The following SCN10A variants were observed in gnomAD, a reference collection of about 807,000 sequenced individuals.
SCN10A encodes the protein sodium voltage-gated channel alpha subunit 10, also known as sodium channel protein type 10 subunit alpha.
A neutral mutation model predicts 170.7 loss-of-function variants in SCN10A; 162 were observed. That is an observed-to-expected ratio of 0.95 (90% CI 0.84 to 1.08). The LOEUF (loss-of-function observed/expected upper bound fraction) is 1.08. Among genes scored for constraint, SCN10A ranks in the 50% least tolerant of loss-of-function variants. The pLI is 0.00. For synonymous variants in SCN10A, 985 were observed against 904.6 expected, an observed-to-expected ratio of 1.09 and a Z score of -1.59; for missense variants, 2,527 against 2,436.9, an observed-to-expected ratio of 1.04 and a Z score of -0.78.
At chr3:38,713,887 C>A in intron 22 of SCN10A, 71 bp downstream of exon 22, 1 of 1,586,270 alleles carries the variant, frequency 6.3e-7, no homozygotes, top group Non-Finnish European at 8.6e-7. Context: ...CTCAGCCTCC[C>A]AAAGTGCTGG....
chr3:38,719,953 C>G (rs566773145), intron 20 of SCN10A, among the ~76,000 whole-genome samples: 110 of 152,344 alleles, frequency 7.2e-4, no homozygotes, highest in Non-Finnish European at 1.5e-3. Flanking sequence ...CTGGAGGAAA[C>G]TGTGTCCACC....
chr3:38,711,156 T>C (rs2063269592), intron 23 of SCN10A, among the ~76,000 whole-genome samples: 1 of 152,248 alleles, frequency 6.6e-6, no homozygotes, highest in African/African-American at 2.4e-5. Flanking sequence ...GACTGAGGAC[T>C]GAGTGTCTAG....
At chr3:38,703,049 C>T (rs542896410) in intron 26 of SCN10A, among the ~76,000 whole-genome samples, 66 of 152,304 alleles carry the variant, frequency 4.3e-4, no homozygotes, top group Admixed American at 3.3e-3. Flanking sequence ...TGCCATTCTC[C>T]CCTACCCCAT....
rs2125994372 is a variant in SCN10A at position 38,718,642 on chromosome 3, G to C, written c.3681+11C>G. ...ACCCCAAACCCCACGTGTTCCCACTGAGCCACTCACATTCACAATGAGGAA... is the reference window on the plus strand; with the variant it reads ...ACCCCAAACCCCACGTGTTCCCACTCAGCCACTCACATTCACAATGAGGAA... On this transcript the variant is annotated intron_variant, in intron 21 of 27. Transcript: ENST00000449082. 1 of 1,613,908 alleles carries C rather than the reference G, an allele frequency of 6.2e-7. No individual in the cohort carries two copies.
At chr3:38,737,839 TTC>T (rs2063586544) in intron 15 of SCN10A, among the ~76,000 whole-genome samples, 4 of 50,934 alleles carry the variant, frequency 7.9e-5, no homozygotes, top group African/African-American at 4.7e-4. Flanking sequence ...TTTCTCTTTC[TTC>T]TTTCTTTCTT....
rs539382432 is a variant in SCN10A, at chr3:38,700,912, C to G, written c.4657+927G>C. On this transcript the variant is annotated intron_variant, in intron 27 of 27. Coordinates refer to ENST00000449082, the MANE Select transcript of SCN10A (RefSeq NM_006514.4). ...TGGCCTTTATAGGGTCAAACTTCAG[C>G]TAACCCATAAGCCCAGGGACAGTCT... Among the ~76,000 whole-genome samples, 15 of 152,308 alleles carry G rather than the reference C, an allele frequency of 9.8e-5. No individual in the cohort carries two copies. The South Asian group carries it at 3.1e-3, about 32-fold the overall frequency.
intron 1 of SCN10A, among the ~76,000 whole-genome samples, chr3:38,799,263 AG>A (rs1327816951): frequency 1.3e-5 from 2 of 152,018 alleles, no homozygotes; most frequent in African/African-American, 2.4e-5. Context: ...GGCCAGACCC[AG>A]GCCTACAGAA....
intron 4 of SCN10A, among the ~76,000 whole-genome samples, chr3:38,775,561 G>A (rs2064062855): frequency 6.6e-6 from 1 of 152,018 alleles, no homozygotes; most frequent in African/African-American, 2.4e-5. Context: ...CTGTTTCATA[G>A]GTTCAAACTA....
At chr3:38,707,243 AG>A (rs1258210810) in intron 26 of SCN10A, 35 bp downstream of exon 26, 1 of 1,601,962 alleles carries the variant, frequency 6.2e-7, no homozygotes, top group East Asian at 2.2e-5. Context: ...TTGGATTCAC[AG>A]ACAGGCTGTG....
chr3:38,717,002 T>C (rs1375741822), intron 21 of SCN10A, among the ~76,000 whole-genome samples: 1 of 151,706 alleles, frequency 6.6e-6, no homozygotes, highest in Admixed American at 6.6e-5. Flanking sequence ...GAAGGATGAG[T>C]GAGTAGAAGC....
intron 5 of SCN10A, among the ~76,000 whole-genome samples, chr3:38,770,618 C>T (rs2063987523): frequency 6.6e-6 from 1 of 152,146 alleles, no homozygotes; most frequent in Admixed American, 6.5e-5. Context: ...TCAGACCTTG[C>T]CCCAGGCTGT....
chr3:38,775,882 G>A (rs951331151), intron 4 of SCN10A, among the ~76,000 whole-genome samples: 11 of 152,030 alleles, frequency 7.2e-5, no homozygotes, highest in Non-Finnish European at 1.5e-4. Context: ...CAGCAGGAGT[G>A]CAATTGTGCT....
intron 26 of SCN10A, among the ~76,000 whole-genome samples, chr3:38,704,285 T>C (rs904353857): frequency 2.0e-5 from 3 of 152,186 alleles, no homozygotes; most frequent in Non-Finnish European, 4.4e-5. Context: ...CTGGCTCACA[T>C]CTTTCCTGGG....
intron 13 of SCN10A, among the ~76,000 whole-genome samples, chr3:38,744,346 T>C (rs2126016675): frequency 6.6e-6 from 1 of 152,246 alleles, no homozygotes; most frequent in Admixed American, 6.5e-5. Context: ...ACTTGAAAAA[T>C]CAGTTTAGAG....
intron 26 of SCN10A, among the ~76,000 whole-genome samples, chr3:38,706,934 C>T (rs2063216851): frequency 6.6e-6 from 1 of 152,146 alleles, no homozygotes; most frequent in Non-Finnish European, 1.5e-5. Flanking sequence ...TGATACATAA[C>T]CACACAAGTT....
chr3:38,697,565 C>G lies in SCN10A; in HGVS notation c.5655G>C (p.Glu1885Asp). ...AACCTTCATCTGGGAGTGATGCAGCCTCCTCCTCAGCTCTGGGCACACATG... is the reference window on the plus strand; with the variant it reads ...AACCTTCATCTGGGAGTGATGCAGCGTCCTCCTCAGCTCTGGGCACACATG... ...NTPCVPRAEE[E>D]AASLPDEGFV... is the part of the protein sequence containing the mutation. The change falls in exon 28 of 28, where the codon GAG becomes GAC. Residue 1885 changes from glutamate (E) to aspartate (D), a missense_variant. Transcript: ENST00000449082. 1.2e-6 allele frequency: 2 copies of G among 1,614,148 alleles called. No individual in the cohort carries two copies. Among genetic ancestry groups the G allele is most frequent in the Non-Finnish European group, 1.7e-6 (2 of 1,180,036 alleles).
intron 12 of SCN10A, 116 bp downstream of exon 12, chr3:38,752,103 G>A (rs1261683882): frequency 1.2e-6 from 1 of 829,734 alleles, no homozygotes; most frequent in East Asian, 2.9e-5. Flanking sequence ...AGAATGGGGA[G>A]GCATTGGACA....
chr3:38,729,169 G>A (rs1454529816), intron 15 of SCN10A, among the ~76,000 whole-genome samples: 2 of 152,112 alleles, frequency 1.3e-5, no homozygotes, highest in Non-Finnish European at 2.9e-5. Context: ...GTGGCCTTGC[G>A]ATCTGTACTC....
chr3:38,803,965 G>A (rs556887908), intron 1 of SCN10A, among the ~76,000 whole-genome samples: 139 of 152,176 alleles, frequency 9.1e-4, no homozygotes, highest in Middle Eastern at 3.4e-3. Context: ...TGCTGCCACA[G>A]TCCAATCCAC....
Sources: allele counts gnomAD v4.1 joint callset (sites outside exome capture counted in the v4.1 genomes callset), GRCh38; gene constraint gnomAD v4.1.1; transcripts MANE v1.5; gene names NCBI Gene and HGNC (gene_info 2026-07-23, HGNC 2026-07-21).